Variants in WNK3 observed in about 807,000 individuals in gnomAD.
WNK3 encodes serine/threonine-protein kinase WNK3.
A neutral mutation model predicts 116.7 loss-of-function variants in WNK3; 18 were observed. That is an observed-to-expected ratio of 0.15 (90% confidence interval 0.11 to 0.23). WNK3 has a LOEUF of 0.23. Ranked by LOEUF, WNK3 falls within the 10% of genes least tolerant of loss-of-function variation. WNK3 has a pLI of 1.00. For synonymous variants in WNK3, 404 were observed against 469.4 expected (o/e 0.86, Z 1.80); for missense variants, 993 against 1,323.8 (o/e 0.75, Z 3.88).
intron 22 of WNK3, among the ~76,000 whole-genome samples, chrX:54,222,924 A>AG (rs2067785899): frequency 1.0e-5 from 1 of 96,372 alleles, no homozygotes; most frequent in Non-Finnish European, 2.0e-5. Context: ...TAATATATAT[A>AG]TATATATATA....
At chrX:54,259,808 C>T (rs1344956934) in intron 10 of WNK3, among the ~76,000 whole-genome samples, 1 of 111,650 alleles carries the variant, frequency 9.0e-6, no homozygotes, top group Non-Finnish European at 1.9e-5. Flanking sequence ...TCAGCAGCTG[C>T]AACATTGGCT....
intron 2 of WNK3, among the ~76,000 whole-genome samples, chrX:54,320,837 T>C (rs1479472880): frequency 6.3e-5 from 7 of 111,018 alleles, no homozygotes; most frequent in Non-Finnish European, 1.1e-4. Flanking sequence ...AACACTACCA[T>C]TTATTGAACA....
intron 13 of WNK3, among the ~76,000 whole-genome samples, chrX:54,253,515 C>T (rs1434195574): frequency 9.0e-6 from 1 of 111,124 alleles, no homozygotes; most frequent in African/African-American, 3.3e-5. Flanking sequence ...GATCCTCCTG[C>T]CTAGGCCTCC....
At chrX:54,317,775 G>C (rs1557171323) in intron 2 of WNK3, among the ~76,000 whole-genome samples, 3 of 108,421 alleles carry the variant, frequency 2.8e-5, no homozygotes, top group Admixed American at 1.0e-4. Context: ...GGGACTACAG[G>C]CACGTGCCAC....
exon 20 of WNK3, chrX:54,237,043 G>A (rs1462661271): frequency 8.2e-7 from 1 of 1,212,134 alleles, no homozygotes; most frequent in African/African-American, 1.7e-5. Flanking sequence ...TGAACTCTGT[G>A]TTTGAGCATA....
intron 22 of WNK3, among the ~76,000 whole-genome samples, chrX:54,209,545 C>CT (rs781825501): frequency 0.017 from 1,330 of 78,413 alleles, 182 homozygotes; most frequent in African/African-American, 0.046. Flanking sequence ...TTAAGCAGTG[C>CT]TTTTTTTTTT....
chrX:54,194,367 T>C (rs1405445859), exon 24 of WNK3: 1 of 112,357 alleles, frequency 8.9e-6, no homozygotes, highest in Non-Finnish European at 1.9e-5. Context: ...GATAGGCCAT[T>C]GCTGAAGGAT....
At chrX:54,352,297 G>A (rs2069526968) in intron 1 of WNK3, among the ~76,000 whole-genome samples, 1 of 111,688 alleles carries the variant, frequency 9.0e-6, no homozygotes, top group Admixed American at 9.6e-5. Flanking sequence ...TGAGGATGTG[G>A]AGAAATGGAA....
rs60655785 is a variant in WNK3, at chrX:54,257,789, CAAAAAAAAAAAAA to C, written c.2102+1472_2102+1484del. ...TGGGCAACAGAGTAAGACTCTGCCT[CAAAAAAAAAAAAA>C]AAAAAAAAAAAAAAGACTTAAATAG... On this transcript the variant is annotated intron_variant, in intron 11 of 23. Coordinates refer to ENST00000354646, the Ensembl canonical transcript of WNK3. 2.6e-4 allele frequency among the ~76,000 whole-genome samples: 4 copies of C among 15,664 alleles called. No individual in the cohort carries two copies. In the South Asian group the frequency reaches 9.3e-3, roughly 37 times the overall value. The allele number at this position is 15,664 out of a possible 115,157, so 13.6% of individuals were successfully genotyped here. A position where few individuals can be genotyped will look rare whatever the true frequency, so the allele number is the denominator to read the frequency against.
chrX:54,221,844 C>A (rs1382474562), intron 22 of WNK3, among the ~76,000 whole-genome samples: 3 of 108,143 alleles, frequency 2.8e-5, no homozygotes, highest in Admixed American at 1.0e-4. Flanking sequence ...AAAAAAAAAC[C>A]AACCAACCAA....
At chrX:54,226,542 G>A (rs1197125470) in intron 22 of WNK3, among the ~76,000 whole-genome samples, 1 of 102,512 alleles carries the variant, frequency 9.8e-6, no homozygotes, top group Admixed American at 1.1e-4. Context: ...AAAACTCCTA[G>A]AAGAAAATAT....
At chrX:54,251,725 G>A in intron 13 of WNK3, 38 bp from the exon 14 acceptor site, 1 of 1,165,391 alleles carries the variant, frequency 8.6e-7, no homozygotes, top group Non-Finnish European at 1.2e-6. Context: ...AATGAATTCA[G>A]TTTCTTCAAA....
At chrX:54,341,208 C>A (rs975653495) in intron 1 of WNK3, among the ~76,000 whole-genome samples, 1 of 110,654 alleles carries the variant, frequency 9.0e-6, no homozygotes, top group Non-Finnish European at 1.9e-5. Context: ...ACCAGCCTGG[C>A]CAACATGGTG....
intron 11 of WNK3, 136 bp from the exon 12 acceptor site, chrX:54,256,023 C>G (rs1569536872): frequency 8.1e-6 from 4 of 494,635 alleles, no homozygotes; most frequent in African/African-American, 4.9e-5. Flanking sequence ...TATGACTGCA[C>G]AACTCTGTGA....
At chrX:54,289,231 G>A (rs182740622) in intron 10 of WNK3, among the ~76,000 whole-genome samples, 464 of 111,120 alleles carry the variant, frequency 4.2e-3, no homozygotes, top group Middle Eastern at 0.014. Context: ...CTGTGATCTC[G>A]GTGGTTGTAC....
chrX:54,336,160 G>C (rs953498048), intron 1 of WNK3, among the ~76,000 whole-genome samples: 1 of 110,993 alleles, frequency 9.0e-6, no homozygotes, highest in Non-Finnish European at 1.9e-5. Flanking sequence ...ATGGTGGCAG[G>C]TGCCTGTAGT....
chrX:54,220,734 A>G (rs782417081), intron 22 of WNK3, among the ~76,000 whole-genome samples: 1 of 111,463 alleles, frequency 9.0e-6, no homozygotes, highest in Non-Finnish European at 1.9e-5. Flanking sequence ...TCAATTTTGT[A>G]CTTTTCAGTA....
At chrX:54,301,808 T>C in exon 6 of WNK3, 1 of 1,210,873 alleles carries the variant, frequency 8.3e-7, no homozygotes, top group Non-Finnish European at 1.1e-6. Context: ...CCTTCAATGA[T>C]TTCTTTGACT....
intron 22 of WNK3, among the ~76,000 whole-genome samples, chrX:54,215,470 C>T (rs929712466): frequency 2.7e-5 from 3 of 112,856 alleles, no homozygotes; most frequent in African/African-American, 6.4e-5. Flanking sequence ...GGATTGCAGA[C>T]GGAGTCTCGC....
Sources: gnomAD v4.1 joint callset for allele counts (sites outside exome capture counted in the v4.1 genomes callset) on GRCh38, gnomAD v4.1.1 for gene constraint, MANE v1.5 for transcripts, NCBI Gene and HGNC (gene_info 2026-07-23, HGNC 2026-07-21) for gene names.